NEGR1: variants seen among roughly 807,000 people sequenced by gnomAD.
NEGR1 encodes the protein IgLON family member 4.
A neutral mutation model predicts 40.9 loss-of-function variants in NEGR1; 10 were observed. That is an observed-to-expected ratio of 0.24 (90% CI 0.15 to 0.42). The LOEUF (loss-of-function observed/expected upper bound fraction) is 0.42. Ranked by LOEUF, NEGR1 falls within the 10% of genes least tolerant of loss-of-function variation. The pLI is 1.00. For missense variants in NEGR1, 352 were observed against 438.9 expected, an observed-to-expected ratio of 0.80 and a Z score of 1.77; for synonymous variants, 185 against 166.8, an observed-to-expected ratio of 1.11 and a Z score of -0.84.
rs1281997979 is a variant in NEGR1 at position 71,404,687 on chromosome 1, A to G, written c.*2759T>C. 2 of 151,114 alleles carry G rather than the reference A, an allele frequency of 1.3e-5. No individual in the cohort carries two copies. Among genetic ancestry groups the G allele is most frequent in the African/African-American group, 4.9e-5 (2 of 41,094 alleles). The allele number at this position is 151,114 out of a possible 1,614,324, so 9.4% of individuals were successfully genotyped here. On this transcript the variant is annotated 3_prime_UTR_variant, in exon 7 of 7. Transcript: ENST00000357731. ...CTTATTTTTCTTTCTTCCTTCTTTA[A>G]AAAAAAATAGGGGCAACAAAAGGAG...
intron 1 of NEGR1, among the ~76,000 whole-genome samples, chr1:72,178,133 G>A (rs573926458): frequency 6.6e-6 from 1 of 151,108 alleles, no homozygotes; most frequent in Non-Finnish European, 1.5e-5. Flanking sequence ...TCCTTATTTT[G>A]TTTTTGTTCT....
At chr1:72,200,036 T>C (rs1209827034) in intron 1 of NEGR1, among the ~76,000 whole-genome samples, 1 of 151,780 alleles carries the variant, frequency 6.6e-6, no homozygotes, top group East Asian at 1.9e-4. Context: ...CAGAGGCAGG[T>C]GAGGTGCCAA....
At chr1:71,841,324 A>G (rs536161456) in intron 2 of NEGR1, among the ~76,000 whole-genome samples, 1 of 152,316 alleles carries the variant, frequency 6.6e-6, no homozygotes, top group South Asian at 2.1e-4. Context: ...ATGGGAAAAT[A>G]TAGTTACTTG....
Position 72,143,930 on chromosome 1 carries a change from T to TAAA in NEGR1, c.176+138388_176+138389insTTT, listed in dbSNP as rs1553145054. On this transcript the variant is annotated intron_variant, in intron 1 of 6. Coordinates refer to ENST00000357731, the MANE Select transcript of NEGR1 (RefSeq NM_173808.3). ...GATATATATAATATATATATATATATATATATATATTCATCCATTCAGTAT... is the reference window on the plus strand; with the variant it reads ...GATATATATAATATATATATATATATAAAATATATATATTCATCCATTCAGTAT... 3.2e-3 allele frequency among the ~76,000 whole-genome samples: 447 copies of TAAA among 140,500 alleles called. 5 individuals carry two copies. The highest frequency in any genetic ancestry group is 0.011 in the African/African-American group (428 of 38,296). The allele number at this position is 140,500 out of a possible 152,430, so 92.2% of individuals were successfully genotyped here.
intron 1 of NEGR1, among the ~76,000 whole-genome samples, chr1:72,124,603 G>T (rs2630404): frequency 0.24 from 36,766 of 151,782 alleles, 4,769 homozygotes; most frequent in East Asian, 0.34. Context: ...AAATTAATCT[G>T]GGATACCTGT....
chr1:71,605,871 T>C (rs889708581), intron 5 of NEGR1, among the ~76,000 whole-genome samples: 23 of 152,320 alleles, frequency 1.5e-4, no homozygotes, highest in African/African-American at 4.8e-4. Context: ...ATAACTAGTA[T>C]ATAGCATTAG....
At chr1:71,998,101 G>C (rs1036082581) in intron 1 of NEGR1, among the ~76,000 whole-genome samples, 1 of 151,916 alleles carries the variant, frequency 6.6e-6, no homozygotes, top group Non-Finnish European at 1.5e-5. Flanking sequence ...GAGGCTCTAC[G>C]TAAAGGATAA....
intron 5 of NEGR1, among the ~76,000 whole-genome samples, chr1:71,600,298 G>A (rs114019687): frequency 3.9e-4 from 59 of 152,332 alleles, no homozygotes; most frequent in African/African-American, 1.4e-3. Flanking sequence ...GGACATGATA[G>A]TGAACAAGGC....
Position 71,396,856 on chromosome 1 carries a change from G to T in NEGR1, c.*10590C>A, listed in dbSNP as rs184915377. ...TTCTTTTGTAAATTGCCCAGCCTCA[G>T]GTATGTCTTTATCAGCAGTGTGAAA... On this transcript the variant is annotated 3_prime_UTR_variant, in exon 7 of 7. Transcript: ENST00000357731. 3.2e-5 allele frequency: 5 copies of T among 155,026 alleles called. No individual in the cohort carries two copies. Among genetic ancestry groups the T allele is most frequent in the East Asian group, 1.9e-4 (1 of 5,330 alleles). The allele number at this position is 155,026 out of a possible 1,614,324, so 9.6% of individuals were successfully genotyped here. A position where few individuals can be genotyped will look rare whatever the true frequency, so the allele number is the denominator to read the frequency against.
At chr1:72,116,686 TAACTTAA>T (rs954771600) in intron 1 of NEGR1, among the ~76,000 whole-genome samples, 2 of 151,724 alleles carry the variant, frequency 1.3e-5, no homozygotes, top group Admixed American at 1.3e-4. Context: ...GACTTACAGG[TAACTTAA>T]AACTTAAAAA....
chr1:71,491,704 T>G (rs999392413), intron 6 of NEGR1, among the ~76,000 whole-genome samples: 2 of 152,014 alleles, frequency 1.3e-5, no homozygotes, highest in African/African-American at 4.8e-5. Context: ...AGCCTGTGTG[T>G]ACCACAGTAG....
intron 6 of NEGR1, among the ~76,000 whole-genome samples, chr1:71,452,489 A>G (rs1395947013): frequency 6.6e-6 from 1 of 152,214 alleles, no homozygotes; most frequent in East Asian, 1.9e-4. Flanking sequence ...ACATGCTTAG[A>G]GTGAGAAAAG....
chr1:71,584,467 T>A (rs936529408), intron 6 of NEGR1, among the ~76,000 whole-genome samples: 1 of 152,200 alleles, frequency 6.6e-6, no homozygotes, highest in Non-Finnish European at 1.5e-5. Flanking sequence ...AGTTTAATCA[T>A]AATGATACTC....
intron 2 of NEGR1, among the ~76,000 whole-genome samples, chr1:71,866,667 G>A (rs1260555828): frequency 2.6e-5 from 4 of 152,118 alleles, no homozygotes; most frequent in Non-Finnish European, 4.4e-5. Flanking sequence ...GGTAGTTATA[G>A]ATTCTGAGAG....
At chr1:71,411,000 ATATACT>A (rs1329671673) in intron 6 of NEGR1, among the ~76,000 whole-genome samples, 1 of 152,208 alleles carries the variant, frequency 6.6e-6, no homozygotes, top group South Asian at 2.1e-4. Context: ...GTAACTGGTA[ATATACT>A]TATACATCTT....
intron 1 of NEGR1, among the ~76,000 whole-genome samples, chr1:72,278,254 T>C (rs1656124751): frequency 6.6e-6 from 1 of 152,146 alleles, no homozygotes; most frequent in Admixed American, 6.5e-5. Flanking sequence ...AAAGAATCTT[T>C]CTTCCTTTCT....
chr1:71,682,389 G>A (rs911479174), intron 4 of NEGR1, among the ~76,000 whole-genome samples: 1 of 151,836 alleles, frequency 6.6e-6, no homozygotes, highest in Non-Finnish European at 1.5e-5. Flanking sequence ...TATTTTTCTT[G>A]TCTGTTGTTT....
intron 6 of NEGR1, among the ~76,000 whole-genome samples, chr1:71,461,010 T>A (rs1406392870): frequency 1.3e-5 from 2 of 152,298 alleles, no homozygotes; most frequent in East Asian, 3.9e-4. Context: ...ATAAAATATA[T>A]CTGTCTTGTG....
intron 2 of NEGR1, among the ~76,000 whole-genome samples, chr1:71,827,847 A>T (rs1262674259): frequency 3.3e-5 from 5 of 151,904 alleles, no homozygotes; most frequent in African/African-American, 1.2e-4. Flanking sequence ...ATTGACCCAG[A>T]TAAAAAATAC....
Sources: allele counts gnomAD v4.1 joint callset (sites outside exome capture counted in the v4.1 genomes callset), GRCh38; gene constraint gnomAD v4.1.1; transcripts MANE v1.5; gene names NCBI Gene and HGNC (gene_info 2026-07-23, HGNC 2026-07-21).